CHCHD4: variants seen among roughly 807,000 people sequenced by gnomAD.
CHCHD4 encodes mitochondrial intermembrane space import and assembly protein 40.
A neutral mutation model predicts 12.4 loss-of-function variants in CHCHD4; 7 were observed. The observed-to-expected ratio is 0.57, with a 90% CI of 0.32 to 1.06. The LOEUF (loss-of-function observed/expected upper bound fraction) is 1.06. CHCHD4 is among the 50% of genes least tolerant of loss of function. The probability of loss-of-function intolerance (pLI) is 0.04; values close to 1 mark genes in which losing one functional copy is unlikely to be tolerated. For synonymous variants in CHCHD4, 56 were observed against 58.0 expected (o/e 0.97, Z 0.16); for missense variants, 143 against 175.1 (o/e 0.82, Z 1.03).
chr3:14,119,505 G>A (rs1170233666), intron 1 of CHCHD4, among the ~76,000 whole-genome samples: 1 of 146,016 alleles, frequency 6.8e-6, no homozygotes, highest in Non-Finnish European at 1.5e-5. Context: ...ATTCCTAACA[G>A]ACCTAACTGT....
chr3:14,120,611 T>C (rs1305227554), intron 1 of CHCHD4, among the ~76,000 whole-genome samples: 1 of 152,190 alleles, frequency 6.6e-6, no homozygotes, highest in Admixed American at 6.5e-5. Flanking sequence ...CCCAACATAC[T>C]ATGTATGTTT....
rs191801051 is a variant in CHCHD4, at chr3:14,118,797, C to T, written c.23-2273G>A. On this transcript the variant is annotated intron_variant, in intron 1 of 2. Transcript: ENST00000396914. ...AGTTTCCAAAATACTCAAAAGCAAT[C>T]TGTAAAAATGTTGAACGCTAAGCAG... Among the ~76,000 whole-genome samples, 26 of 151,064 alleles carry T rather than the reference C, an allele frequency of 1.7e-4. 1 individual carries two copies. In the East Asian group the frequency reaches 4.8e-3, roughly 28 times the overall value.
At chr3:14,123,164 T>C (rs1226028734) in intron 1 of CHCHD4, among the ~76,000 whole-genome samples, 1 of 152,096 alleles carries the variant, frequency 6.6e-6, no homozygotes, top group Non-Finnish European at 1.5e-5. Flanking sequence ...AGAGAGATCT[T>C]TGAAGCAGGA....
intron 1 of CHCHD4, among the ~76,000 whole-genome samples, chr3:14,121,265 G>C (rs1370710429): frequency 6.6e-6 from 1 of 152,172 alleles, no homozygotes; most frequent in Non-Finnish European, 1.5e-5. Flanking sequence ...AGTTAGAAGA[G>C]AAGTGACTTC....
Position 14,113,188 on chromosome 3 carries a change from A to G in CHCHD4, c.128T>C (p.Ile43Thr). ...CCAGTTAATGTTTCCATTTGGCAGTATCAATCCTAGAACAGGAAGATAGAG... is the reference window on the plus strand; with the variant it reads ...CCAGTTAATGTTTCCATTTGGCAGTGTCAATCCTAGAACAGGAAGATAGAG... ...PNDPYEEHGL[I>T]LPNGNINWNC... The change falls in exon 3 of 3, where the codon ATA (isoleucine) becomes ACA (threonine). Residue 43 changes from isoleucine to threonine, a missense_variant. Physicochemically the swap from Ile to Thr is moderately conservative, Grantham distance 89. Transcript: ENST00000396914. The G allele has an allele frequency of 5.6e-6, 9 of 1,607,048 alleles. No homozygotes were observed. Among genetic ancestry groups the G allele is most frequent in the Non-Finnish European group, 7.7e-6 (9 of 1,176,178 alleles).
intron 2 of CHCHD4, 22 bp downstream of exon 2, chr3:14,116,404 T>A (rs1443486163): frequency 9.2e-6 from 14 of 1,526,286 alleles, no homozygotes; most frequent in African/African-American, 4.2e-5. Flanking sequence ...TGTGGGTCCC[T>A]GGGAGGCCAC....
chr3:14,115,162 ATAGGCTTC>A (rs1694862722), intron 2 of CHCHD4, among the ~76,000 whole-genome samples: 1 of 152,164 alleles, frequency 6.6e-6, no homozygotes, highest in Non-Finnish European at 1.5e-5. Context: ...TTTGCGTTTT[ATAGGCTTC>A]TTTTTACAAA....
intron 1 of CHCHD4, chr3:14,122,115 G>T (rs1241390275): frequency 6.5e-7 from 1 of 1,548,034 alleles, no homozygotes; most frequent in East Asian, 2.4e-5. Context: ...GTTTTAAGTA[G>T]TGTTCGCTCA....
intron 2 of CHCHD4, among the ~76,000 whole-genome samples, chr3:14,114,193 A>G (rs762228232): frequency 2.6e-5 from 4 of 152,262 alleles, no homozygotes; most frequent in Non-Finnish European, 5.9e-5. Flanking sequence ...CAGCTTGGGA[A>G]GCTCCACTGA....
intron 1 of CHCHD4, chr3:14,122,127 A>C: frequency 6.5e-7 from 1 of 1,527,798 alleles, no homozygotes; most frequent in East Asian, 2.4e-5. Context: ...GTTCGCTCAC[A>C]CGTGTTTAGG....
intron 1 of CHCHD4, chr3:14,122,029 G>C (rs764833326): frequency 6.2e-7 from 1 of 1,612,870 alleles, no homozygotes; most frequent in Admixed American, 1.7e-5. Flanking sequence ...CTGACAAAGA[G>C]CTTCAGGGAG....
chr3:14,122,819 A>G (rs1390611890), intron 1 of CHCHD4, among the ~76,000 whole-genome samples: 3 of 152,222 alleles, frequency 2.0e-5, no homozygotes, highest in African/African-American at 7.2e-5. Flanking sequence ...AGGAGGTGAT[A>G]TTGGAGCTAA....
intron 2 of CHCHD4, among the ~76,000 whole-genome samples, chr3:14,115,560 G>A (rs757202899): frequency 6.6e-6 from 1 of 152,170 alleles, no homozygotes; most frequent in Non-Finnish European, 1.5e-5. Context: ...TGCTCCCACT[G>A]GGTGCTGGAT....
chr3:14,124,563 G>A (rs928403831), intron 1 of CHCHD4, 92 bp downstream of exon 1: 9 of 1,248,730 alleles, frequency 7.2e-6, no homozygotes, highest in Admixed American at 7.8e-5. Flanking sequence ...GCCTCAGGTG[G>A]CCCGCGCCCG....
intron 1 of CHCHD4, among the ~76,000 whole-genome samples, chr3:14,121,387 A>G (rs1349761493): frequency 6.6e-6 from 1 of 152,204 alleles, no homozygotes; most frequent in Admixed American, 6.5e-5. Context: ...AGGAAGACAG[A>G]ATGGTTATCA....
At position 14,112,792 on chromosome 3, in the gene CHCHD4, G is replaced by A; in HGVS notation, c.*95C>T. 1 of 1,143,352 alleles carries A rather than the reference G, an allele frequency of 8.7e-7. No individual in the cohort carries two copies. The highest frequency in any genetic ancestry group is 1.2e-6 in the Non-Finnish European group (1 of 806,596). 70.8% of individuals were successfully genotyped at this position (1,143,352 alleles called of 1,614,324 possible). A position where few individuals can be genotyped will look rare whatever the true frequency, so the allele number is the denominator to read the frequency against. On this transcript the variant is annotated 3_prime_UTR_variant, in exon 3 of 3. Coordinates refer to ENST00000396914, the MANE Select transcript of CHCHD4 (RefSeq NM_001098502.2). Reference sequence around the variant, plus strand: ...TTATTTTGTATATTATAATGCACAGGACAACAGAAGGAAACTTTCTTGGAA... The same window carrying A: ...TTATTTTGTATATTATAATGCACAGAACAACAGAAGGAAACTTTCTTGGAA...
rs1694833818 is a variant in CHCHD4 at position 14,112,706 on chromosome 3, A to AT, written c.*180dup. 5.1e-6 allele frequency: 3 copies of AT among 583,088 alleles called. No individual in the cohort carries two copies. The highest frequency in any genetic ancestry group is 3.0e-5 in the South Asian group (1 of 33,822). 36.1% of individuals were successfully genotyped at this position (583,088 alleles called of 1,614,324 possible). ...TAGGACACACATACATACAACCCCC[A>AT]TTTTTTTCAGTGTATATGTCAAGAT... is the stretch of plus-strand genomic sequence containing the variant. On this transcript the variant is annotated 3_prime_UTR_variant, in exon 3 of 3. Coordinates refer to ENST00000396914, the MANE Select transcript of CHCHD4 (RefSeq NM_001098502.2).
At position 14,124,814 on chromosome 3, in the gene CHCHD4, C is replaced by G; in HGVS notation, c.-138G>C. 9.4e-7 allele frequency: 1 copy of G among 1,063,490 alleles called. No homozygotes were observed. 65.9% of individuals were successfully genotyped at this position (1,063,490 alleles called of 1,614,324 possible). The stretch of plus-strand genomic sequence containing the variant: ...CCCGCCCCCTCCCAGGCCTGCCCGC[C>G]GCGCGCCTGCCTCGGCGCCCTCGCA... On this transcript the variant is annotated 5_prime_UTR_variant, in exon 1 of 3. Coordinates refer to ENST00000396914, the MANE Select transcript of CHCHD4 (RefSeq NM_001098502.2).
intron 2 of CHCHD4, among the ~76,000 whole-genome samples, chr3:14,114,405 C>G (rs183473619): frequency 4.6e-5 from 7 of 152,294 alleles, no homozygotes; most frequent in African/African-American, 1.7e-4. Flanking sequence ...CTACTAACCC[C>G]AGTTTACTCA....
Sources: gnomAD v4.1 joint callset for allele counts (sites outside exome capture counted in the v4.1 genomes callset) on GRCh38, gnomAD v4.1.1 for gene constraint, MANE v1.5 for transcripts, NCBI Gene and HGNC (gene_info 2026-07-23, HGNC 2026-07-21) for gene names.